Variants in FAM153A observed in about 807,000 individuals in gnomAD.
FAM153A encodes protein FAM153A.
Under a neutral mutation model 48.1 loss-of-function variants are expected in FAM153A, and 12 were observed. The ratio of observed to expected loss-of-function variants is 0.25; its 90% CI spans 0.16 to 0.40. The LOEUF (loss-of-function observed/expected upper bound fraction) is 0.40, where lower values mean the gene tolerates loss of function less well. FAM153A is among the 10% of genes least tolerant of loss of function. The pLI, the probability that FAM153A is intolerant of heterozygous loss-of-function variation, is 1.00. For synonymous variants in FAM153A, 36 were observed against 118.2 expected, an observed-to-expected ratio of 0.30 and a Z score of 4.51; for missense variants, 111 against 345.8, an observed-to-expected ratio of 0.32 and a Z score of 5.38.
intron 6 of FAM153A, among the ~76,000 whole-genome samples, chr5:177,743,187 C>CTTG (rs1390810455): frequency 1.3e-5 from 1 of 77,904 alleles, no homozygotes; most frequent in Non-Finnish European, 2.7e-5. Context: ...ACTGCATTCA[C>CTTG]TTGTTTTTTT....
upstream of FAM153A, among the ~76,000 whole-genome samples, chr5:177,754,352 G>A (rs981801692): frequency 3.1e-4 from 47 of 151,550 alleles, no homozygotes; most frequent in African/African-American, 1.0e-3. Context: ...CTCTAACTGG[G>A]TGGAGCCCAC....
At chr5:177,698,727 C>A in the FAM153A span, among the ~76,000 whole-genome samples, 1 of 151,864 alleles carries the variant, frequency 6.6e-6, no homozygotes, top group Non-Finnish European at 1.5e-5. Context: ...GGTGCGATCA[C>A]GGCTTATTGC....
chr5:177,698,078 C>T, the FAM153A span, among the ~76,000 whole-genome samples: 1 of 151,460 alleles, frequency 6.6e-6, no homozygotes, highest in Non-Finnish European at 1.5e-5. Context: ...ACTGTGGGCT[C>T]TCCCCAGGGC....
downstream of FAM153A, among the ~76,000 whole-genome samples, chr5:177,705,361 C>T (rs1757784326): frequency 7.1e-6 from 1 of 140,638 alleles, no homozygotes; most frequent in Non-Finnish European, 1.5e-5. Context: ...CTGGTTTCAC[C>T]ATGTGAGATA....
At chr5:177,716,973 G>A (rs947515736) in intron 24 of FAM153A, among the ~76,000 whole-genome samples, 12 of 148,094 alleles carry the variant, frequency 8.1e-5, no homozygotes, top group Non-Finnish European at 1.6e-4. Flanking sequence ...TAGTGTGTGT[G>A]TGTGTGTGTG....
At chr5:177,725,645 CTG>C (rs1561886911) in intron 18 of FAM153A, among the ~76,000 whole-genome samples, 1 of 151,388 alleles carries the variant, frequency 6.6e-6, no homozygotes, top group Non-Finnish European at 1.5e-5. Flanking sequence ...AGAGAACAAT[CTG>C]GGCCTGACTG....
At position 177,738,086 on chromosome 5, in the gene FAM153A, C is replaced by T. The variant is rs868816300; in HGVS notation, c.563-974G>A. Among the ~76,000 whole-genome samples the T allele has an allele frequency of 3.0e-4, 46 of 151,290 alleles. 2 individuals are homozygous for T. In the Middle Eastern group the frequency reaches 0.014, roughly 45 times the overall value. The stretch of plus-strand genomic sequence containing the variant: ...GCTCCAGCATTAGGACAGCCCATCA[C>T]GGGGGCAGCAGGTGGGGGCGCTGAA... On this transcript the variant is annotated intron_variant, in intron 10 of 20. Coordinates refer to ENST00000614127, the Ensembl canonical transcript of FAM153A.
At chr5:177,755,644 A>C (rs1399845659), upstream of FAM153A, among the ~76,000 whole-genome samples, 1 of 151,858 alleles carries the variant, frequency 6.6e-6, no homozygotes, top group Non-Finnish European at 1.5e-5. Context: ...CTCTTGGCAT[A>C]AACTCCACAA....
At chr5:177,713,679 T>C (rs1247129794) in intron 26 of FAM153A, 1 of 151,900 alleles carries the variant, frequency 6.6e-6, no homozygotes, top group Non-Finnish European at 1.5e-5. Context: ...ATGCTGAGAT[T>C]ACAGGCGTGA....
chr5:177,782,158 A>G (rs1358827003), upstream of FAM153A: 3 of 113,738 alleles, frequency 2.6e-5, no homozygotes, highest in Non-Finnish European at 5.6e-5. Context: ...GAGTTAAATC[A>G]CTCACATTCT....
chr5:177,709,312 T>C (rs1758174430), downstream of FAM153A, among the ~76,000 whole-genome samples: 1 of 147,292 alleles, frequency 6.8e-6, no homozygotes, highest in Non-Finnish European at 1.5e-5. Flanking sequence ...TACTATTAAC[T>C]ATTTATTGAC....
At chr5:177,696,277 G>T in the FAM153A span, among the ~76,000 whole-genome samples, 1 of 144,672 alleles carries the variant, frequency 6.9e-6, no homozygotes, top group African/African-American at 2.6e-5. Flanking sequence ...GCCAGGCAGG[G>T]GCACTCCCCA....
chr5:177,728,666 C>G (rs1165326574), intron 18 of FAM153A, among the ~76,000 whole-genome samples: 1 of 150,124 alleles, frequency 6.7e-6, no homozygotes, highest in African/African-American at 2.5e-5. Flanking sequence ...CACCTGGGTT[C>G]AGGTGATTCT....
At chr5:177,761,018 G>A (rs954888854) in intron 1 of FAM153A, among the ~76,000 whole-genome samples, 6 of 151,768 alleles carry the variant, frequency 4.0e-5, no homozygotes, top group Admixed American at 2.6e-4. Flanking sequence ...GTTGATGTCT[G>A]GGGACTGCAG....
rs1333131527 is a variant in FAM153A at position 177,767,919 on chromosome 5, A to C, written c.-57+12530T>G. On this transcript the variant is annotated intron_variant, in intron 1 of 8. Transcript: ENST00000393518. ...CCAACAAGTAAGCAATCATTTCTGCAGATGACACAAACTGGGCATCCTCTA... is the reference window on the plus strand; with the variant it reads ...CCAACAAGTAAGCAATCATTTCTGCCGATGACACAAACTGGGCATCCTCTA... Among the ~76,000 whole-genome samples, 37 of 93,634 alleles carry C rather than the reference A, an allele frequency of 4.0e-4. 3 individuals are homozygous for C. The highest frequency in any genetic ancestry group is 6.0e-4 in the African/African-American group (15 of 24,798). The allele number at this position is 93,634 out of a possible 152,430, so 61.4% of individuals were successfully genotyped here. A position where few individuals can be genotyped will look rare whatever the true frequency, so the allele number is the denominator to read the frequency against.
intron 1 of FAM153A, among the ~76,000 whole-genome samples, chr5:177,751,726 C>T (rs967629446): frequency 2.2e-5 from 3 of 138,676 alleles, no homozygotes; most frequent in Non-Finnish European, 3.1e-5. Context: ...AGATTTGAAG[C>T]GACCTGCCTA....
intron 12 of FAM153A, among the ~76,000 whole-genome samples, chr5:177,736,243 A>G (rs1314506117): frequency 1.5e-5 from 2 of 135,620 alleles, no homozygotes; most frequent in Admixed American, 7.7e-5. Flanking sequence ...ATTGATCCTC[A>G]TGTTGTGCTT....
chr5:177,769,355 C>T lies in FAM153A; in HGVS notation c.-57+11094G>A, dbSNP rs1768981307. On this transcript the variant is annotated intron_variant, in intron 1 of 8. Coordinates refer to the FAM153A transcript ENST00000393518. ...CATTTCTTACTGTGCCTAATTTATA[C>T]ATTAAATATTATCATGGTTATGTAT... Among the ~76,000 whole-genome samples the T allele has an allele frequency of 2.1e-5, 2 of 95,172 alleles. 1 individual carries two copies. The highest frequency in any genetic ancestry group is 4.3e-5 in the Non-Finnish European group (2 of 46,538). 62.4% of individuals were successfully genotyped at this position (95,172 alleles called of 152,430 possible).
intron 25 of FAM153A, among the ~76,000 whole-genome samples, chr5:177,715,654 C>T (rs1759565546): frequency 6.6e-6 from 1 of 151,732 alleles, no homozygotes; most frequent in African/African-American, 2.4e-5. Flanking sequence ...GCTAAGATTG[C>T]TGGGAGCCTC....
Sources: allele counts gnomAD v4.1 joint callset (sites outside exome capture counted in the v4.1 genomes callset), GRCh38; gene constraint gnomAD v4.1.1; transcripts MANE v1.5; gene names NCBI Gene and HGNC (gene_info 2026-07-23, HGNC 2026-07-21).